The following SMC5 variants were observed in gnomAD, a reference collection of about 807,000 sequenced individuals.
The protein encoded by SMC5 is structural maintenance of chromosomes protein 5.
In SMC5, 88 loss-of-function variants were observed where a neutral mutation model predicts 148.3. The observed-to-expected ratio is 0.59, with a 90% CI of 0.50 to 0.71. The LOEUF (loss-of-function observed/expected upper bound fraction) is 0.71. SMC5 is among the 30% of genes least tolerant of loss of function. SMC5 has a pLI of 0.00. For missense variants in SMC5, 1,142 were observed against 1,298.9 expected (o/e 0.88, Z 1.86); for synonymous variants, 421 against 432.8 (o/e 0.97, Z 0.34).
At chr9:70,350,925 A>C (rs530513415) in intron 24 of SMC5, among the ~76,000 whole-genome samples, 4 of 152,178 alleles carry the variant, frequency 2.6e-5, no homozygotes, top group Admixed American at 2.0e-4. Context: ...TTTGTAGATA[A>C]TTTTTCATAA....
At chr9:70,270,760 C>T (rs2034426356) in intron 3 of SMC5, among the ~76,000 whole-genome samples, 1 of 151,094 alleles carries the variant, frequency 6.6e-6, no homozygotes, top group African/African-American at 2.4e-5. Flanking sequence ...GATTCTTCCA[C>T]CTCAGCCTTC....
intron 22 of SMC5, among the ~76,000 whole-genome samples, chr9:70,349,046 C>A (rs2036739397): frequency 6.6e-6 from 1 of 150,752 alleles, no homozygotes; most frequent in Admixed American, 6.6e-5. Flanking sequence ...TAATAGATAA[C>A]CTTTAATTAG....
chr9:70,344,313 A>AT, intron 18 of SMC5, 44 bp downstream of exon 18: 1 of 1,340,714 alleles, frequency 7.5e-7, no homozygotes, highest in Non-Finnish European at 9.7e-7. Context: ...CATATTTAAC[A>AT]TTTTTAAGAT....
intron 18 of SMC5, chr9:70,346,247 G>A (rs2036663851): frequency 4.8e-6 from 1 of 207,884 alleles, no homozygotes; most frequent in Non-Finnish European, 9.6e-6. Flanking sequence ...ATATTTGAAG[G>A]TCTATAGAGG....
At chr9:70,333,348 T>C (rs1369465714) in intron 17 of SMC5, among the ~76,000 whole-genome samples, 1 of 152,186 alleles carries the variant, frequency 6.6e-6, no homozygotes, top group African/African-American at 2.4e-5. Flanking sequence ...CTCATACCTA[T>C]AATCCTAGCA....
At chr9:70,332,974 A>G (rs1447120233) in intron 17 of SMC5, among the ~76,000 whole-genome samples, 3 of 152,236 alleles carry the variant, frequency 2.0e-5, no homozygotes, top group African/African-American at 7.2e-5. Flanking sequence ...GCTCATATCA[A>G]TCTTGGTGGA....
At chr9:70,264,485 A>AT (rs1286170934) in intron 2 of SMC5, 40 bp downstream of exon 2, 9 of 1,603,662 alleles carry the variant, frequency 5.6e-6, no homozygotes, top group Non-Finnish European at 6.8e-6. Flanking sequence ...TTTCAAACCT[A>AT]TTAATTGCTT....
intron 11 of SMC5, among the ~76,000 whole-genome samples, chr9:70,307,588 C>T (rs575732287): frequency 5.3e-5 from 8 of 152,016 alleles, no homozygotes; most frequent in Admixed American, 1.3e-4. Flanking sequence ...CTGCAACCTC[C>T]GCTTCCCAGG....
At chr9:70,281,063 A>G (rs1195141751) in intron 6 of SMC5, among the ~76,000 whole-genome samples, 164 bp downstream of exon 6, 3 of 149,032 alleles carry the variant, frequency 2.0e-5, no homozygotes, top group Admixed American at 6.7e-5. Context: ...TTTGAGACGG[A>G]GTCTTGCTGT....
chr9:70,324,205 A>G (rs2036020011), intron 17 of SMC5, 62 bp downstream of exon 17: 5 of 1,493,318 alleles, frequency 3.3e-6, no homozygotes, highest in Non-Finnish European at 4.5e-6. Context: ...TTGAAAATAT[A>G]TATCGTGTCA....
intron 2 of SMC5, 100 bp downstream of exon 2, chr9:70,264,545 A>C: frequency 8.7e-7 from 1 of 1,145,206 alleles, no homozygotes; most frequent in Non-Finnish European, 1.2e-6. Context: ...AGCAAACTTA[A>C]TAGTGCATGA....
chr9:70,349,384 A>G (rs1307528864), intron 22 of SMC5, among the ~76,000 whole-genome samples: 1 of 152,080 alleles, frequency 6.6e-6, no homozygotes, highest in African/African-American at 2.4e-5. Context: ...TAAGTTATGT[A>G]TCTCATTTTT....
intron 8 of SMC5, among the ~76,000 whole-genome samples, chr9:70,288,456 T>G (rs2034968076): frequency 6.7e-6 from 1 of 148,476 alleles, no homozygotes; most frequent in East Asian, 2.0e-4. Context: ...AAAATCAACT[T>G]TATTTTTTGT....
At chr9:70,267,882 A>C in intron 2 of SMC5, 41 bp from the exon 3 acceptor site, 1 of 1,533,100 alleles carries the variant, frequency 6.5e-7, no homozygotes, top group Admixed American at 1.9e-5. Context: ...TTAACCTGGG[A>C]ATGTCACTAC....
chr9:70,333,818 T>C (rs1446942576), intron 17 of SMC5, among the ~76,000 whole-genome samples: 1 of 152,182 alleles, frequency 6.6e-6, no homozygotes, highest in Non-Finnish European at 1.5e-5. Context: ...AAAACTTTGC[T>C]GAGAGAAATT....
At chr9:70,339,003 A>G (rs950361757) in intron 17 of SMC5, among the ~76,000 whole-genome samples, 2 of 152,208 alleles carry the variant, frequency 1.3e-5, no homozygotes, top group African/African-American at 4.8e-5. Flanking sequence ...AAAAAAATAA[A>G]ATAAAATTTT....
chr9:70,332,781 A>G (rs1479932773), intron 17 of SMC5, among the ~76,000 whole-genome samples: 1 of 152,244 alleles, frequency 6.6e-6, no homozygotes, highest in Non-Finnish European at 1.5e-5. Context: ...GGTTGGTTTA[A>G]TATTTGGATA....
intron 15 of SMC5, among the ~76,000 whole-genome samples, chr9:70,322,534 T>C (rs766043991): frequency 2.0e-5 from 3 of 152,182 alleles, no homozygotes; most frequent in South Asian, 2.1e-4. Context: ...TCCTACCCCA[T>C]TCAAGAATAT....
chr9:70,286,937 G>A (rs989430013), intron 8 of SMC5, among the ~76,000 whole-genome samples: 9 of 152,054 alleles, frequency 5.9e-5, no homozygotes, highest in Admixed American at 5.2e-4. Context: ...GGTTGGCCTC[G>A]AACGCCTGAG....
Sources: allele counts gnomAD v4.1 joint callset (sites outside exome capture counted in the v4.1 genomes callset), GRCh38; gene constraint gnomAD v4.1.1; transcripts MANE v1.5; gene names NCBI Gene and HGNC (gene_info 2026-07-23, HGNC 2026-07-21).